The following ARHGEF17 variants were observed in gnomAD, a reference collection of about 807,000 sequenced individuals.
ARHGEF17 encodes Rho guanine nucleotide exchange factor 17.
ARHGEF17 carries 80 observed loss-of-function variants against 174.0 expected under a neutral mutation model. The observed-to-expected ratio is 0.46, with a 90% CI of 0.38 to 0.55. The LOEUF (loss-of-function observed/expected upper bound fraction) is 0.55, where lower values mean the gene tolerates loss of function less well. Among genes scored for constraint, ARHGEF17 ranks in the 20% least tolerant of loss-of-function variants. The pLI is 0.00. For synonymous variants in ARHGEF17, 1,311 were observed against 1,189.1 expected, an observed-to-expected ratio of 1.10 and a Z score of -2.11; for missense variants, 2,886 against 2,839.7, an observed-to-expected ratio of 1.02 and a Z score of -0.37.
Position 73,309,323 on chromosome 11 carries a change from G to GCCTCCTGCT in ARHGEF17, c.692_700dup (p.Cys231_Ser233dup). On this transcript the variant is annotated inframe_insertion, in exon 1 of 21. Coordinates refer to ENST00000263674, the MANE Select transcript of ARHGEF17 (RefSeq NM_014786.4). ...CTCCCAACCGCAGGCCGGGGCCCGG[G>GCCTCCTGCT]CCTCCTGCTCCTCCTCCTCCATCGC... 6 of 1,589,206 alleles carry GCCTCCTGCT rather than the reference G, an allele frequency of 3.8e-6. No homozygotes were observed. The highest frequency in any genetic ancestry group is 5.1e-6 in the Non-Finnish European group (6 of 1,176,356).
intron 1 of ARHGEF17, among the ~76,000 whole-genome samples, chr11:73,345,647 G>T (rs1431190063): frequency 6.6e-6 from 1 of 152,194 alleles, no homozygotes; most frequent in Non-Finnish European, 1.5e-5. Flanking sequence ...AGGCTGGAGG[G>T]ATGCCACAGA....
intron 1 of ARHGEF17, among the ~76,000 whole-genome samples, chr11:73,337,427 A>C (rs1431407930): frequency 6.6e-6 from 1 of 150,656 alleles, no homozygotes; most frequent in Admixed American, 6.6e-5. Flanking sequence ...AAAAAAAAGC[A>C]TGTGAGATGA....
rs370588800 is a variant in ARHGEF17 at position 73,363,098 on chromosome 11, G to C, written c.4997-108G>C. On this transcript the variant is annotated intron_variant, in intron 14 of 20. Transcript: ENST00000263674. ...GAGCAGGCCGGGGAAGAACAGCTTTGAGAGGCCTTCCGGAGGGGCATGGCC... is the reference window on the plus strand; with the variant it reads ...GAGCAGGCCGGGGAAGAACAGCTTTCAGAGGCCTTCCGGAGGGGCATGGCC... 2.6e-5 allele frequency: 36 copies of C among 1,402,384 alleles called. No individual in the cohort carries two copies. In the African/African-American group the frequency reaches 4.7e-4, roughly 18 times the overall value. The allele number at this position is 1,402,384 out of a possible 1,614,324, so 86.9% of individuals were successfully genotyped here.
At chr11:73,322,505 G>T (rs1446011231) in intron 1 of ARHGEF17, among the ~76,000 whole-genome samples, 1 of 152,208 alleles carries the variant, frequency 6.6e-6, no homozygotes, top group Non-Finnish European at 1.5e-5. Flanking sequence ...TCTCACCATT[G>T]CTCCAGCCTC....
chr11:73,329,369 A>G (rs374965169), intron 1 of ARHGEF17, among the ~76,000 whole-genome samples: 34 of 2,912 alleles, frequency 0.012, 1 homozygote, highest in African/African-American at 0.029. Context: ...ATATATATAT[A>G]TATATTTTTT....
At chr11:73,356,804 C>G (rs376335890) in intron 7 of ARHGEF17, 45 bp downstream of exon 7, 24 of 1,612,792 alleles carry the variant, frequency 1.5e-5, no homozygotes, top group South Asian at 1.1e-5. Context: ...CACCTCCTCA[C>G]TTTGTCCTCT....
intron 1 of ARHGEF17, among the ~76,000 whole-genome samples, chr11:73,318,611 C>T (rs1864966201): frequency 6.6e-6 from 1 of 152,212 alleles, no homozygotes; most frequent in Non-Finnish European, 1.5e-5. Flanking sequence ...GCCTGGGCGA[C>T]AGAGTGAGAC....
Position 73,311,194 on chromosome 11 carries a change from A to G in ARHGEF17, c.2556A>G (p.Glu852=). The change falls in exon 1 of 21, where the codon GAA becomes GAG. Residue 852 remains glutamate (E), a synonymous_variant. Transcript: ENST00000263674. ...FEGPGGEPIR[E]VEPMLPPSSS... ...GCCCTGGAGGGGAGCCCATCCGAGA[A>G]GTTGAGCCCATGCTGCCTCCATCCA... 1 of 1,597,814 alleles carries G rather than the reference A, an allele frequency of 6.3e-7. No homozygotes were observed. The highest frequency in any genetic ancestry group is 1.1e-5 in the South Asian group (1 of 89,930).
chr11:73,308,704 G>A lies in ARHGEF17; in HGVS notation c.66G>A (p.Trp22Ter). 1.3e-6 allele frequency: 2 copies of A among 1,516,692 alleles called. No homozygotes were observed. Among genetic ancestry groups the A allele is most frequent in the African/African-American group, 2.9e-5 (2 of 69,416 alleles). The allele number at this position is 1,516,692 out of a possible 1,614,324, so 94.0% of individuals were successfully genotyped here. ...TCTCGTTCAAGCTGCTGGAGCGCTG[G>A]AGCGGCGGCCCCGGGCTGAGGGAGG... ...RSVSFKLLER[W>*]SGGPGLREED... is the part of the protein sequence containing the mutation. The change falls in exon 1 of 21, where the codon TGG becomes TGA. Residue 22 changes from tryptophan to a stop codon, truncating the protein, a stop_gained. Transcript: ENST00000263674. LOFTEE classifies it high-confidence loss of function.
At chr11:73,337,253 T>C (rs1163196594) in intron 1 of ARHGEF17, among the ~76,000 whole-genome samples, 1 of 151,954 alleles carries the variant, frequency 6.6e-6, no homozygotes, top group African/African-American at 2.4e-5. Flanking sequence ...AAAAAATATT[T>C]TTAAATTAGC....
Position 73,310,774 on chromosome 11 carries a change from C to G in ARHGEF17, c.2136C>G (p.Val712=). The G allele has an allele frequency of 6.2e-7, 1 of 1,611,990 alleles. No homozygotes were observed. The highest frequency in any genetic ancestry group is 1.1e-5 in the South Asian group (1 of 91,030). The change falls in exon 1 of 21, where the codon GTC becomes GTG. Residue 712 remains valine, a synonymous_variant. Coordinates refer to ENST00000263674, the MANE Select transcript of ARHGEF17 (RefSeq NM_014786.4). ...GTGCCCTCCGCCGACGACGCAAAGT[C>G]CCACCTTCAGGTTCTGGTGGGAGCG... is the stretch of plus-strand genomic sequence containing the variant. ...TPGALRRRRK[V]PPSGSGGSEL... is the part of the protein sequence containing the mutation.
chr11:73,340,752 C>T (rs951038141), intron 1 of ARHGEF17, among the ~76,000 whole-genome samples: 4 of 152,178 alleles, frequency 2.6e-5, no homozygotes, highest in African/African-American at 9.7e-5. Context: ...GCCTTCAGAC[C>T]ACCACTCTGC....
At chr11:73,360,871 G>A (rs1452732015) in intron 11 of ARHGEF17, among the ~76,000 whole-genome samples, 4 of 152,200 alleles carry the variant, frequency 2.6e-5, no homozygotes, top group African/African-American at 9.7e-5. Context: ...TGGCTTAGAA[G>A]ATCCACAGAG....
chr11:73,331,433 C>A (rs1220446364), intron 1 of ARHGEF17, among the ~76,000 whole-genome samples: 1 of 152,154 alleles, frequency 6.6e-6, no homozygotes, highest in Non-Finnish European at 1.5e-5. Context: ...CTGGCCCCAG[C>A]GTAGCCTATA....
At chr11:73,313,379 T>C (rs572196753) in intron 1 of ARHGEF17, among the ~76,000 whole-genome samples, 2 of 152,164 alleles carry the variant, frequency 1.3e-5, no homozygotes, top group South Asian at 4.2e-4. Context: ...TCCTTTCCCA[T>C]ATATCTTTTC....
rs1296046273 is a variant in ARHGEF17, at chr11:73,310,443, T to A, written c.1805T>A (p.Ile602Asn). The A allele has an allele frequency of 6.2e-7, 1 of 1,613,922 alleles. No homozygotes were observed. The highest frequency in any genetic ancestry group is 8.5e-7 in the Non-Finnish European group (1 of 1,180,010). ...GAGGCCCGCCAGGTTTTTGAGAAGATCCAGCGCATGGGTGCCCAACAAGAT... is the reference window on the plus strand; with the variant it reads ...GAGGCCCGCCAGGTTTTTGAGAAGAACCAGCGCATGGGTGCCCAACAAGAT... ...VQEARQVFEK[I>N]QRMGAQQDDG... The change falls in exon 1 of 21, where the codon ATC becomes AAC. Residue 602 changes from isoleucine to asparagine, a missense_variant. Transcript: ENST00000263674.
At chr11:73,311,860 G>A (rs1017697075) in intron 1 of ARHGEF17, 30 bp downstream of exon 1, 2 of 1,563,542 alleles carry the variant, frequency 1.3e-6, no homozygotes, top group African/African-American at 2.7e-5. Context: ...CTTCAGATTG[G>A]GGCCAAAGAA....
chr11:73,346,793 TG>T, intron 1 of ARHGEF17, 89 bp from the exon 2 acceptor site: 1 of 1,044,692 alleles, frequency 9.6e-7, no homozygotes, highest in Non-Finnish European at 1.3e-6. Context: ...GGAGAGGGTG[TG>T]GGCGGGTTCT....
In ARHGEF17 at chr11:73,309,354, C is replaced by G; in HGVS notation, c.716C>G (p.Ser239Cys). ...ASCSSSSIAA[S>C]YPVSRSRAAS... ...TGCTCCTCCTCCTCCATCGCCGCCT[C>G]CTATCCTGTCAGCCGCAGTCGTGCT... Residue 239 changes from serine to cysteine, a missense_variant, in exon 1 of 21, where the codon TCC (serine) becomes TGC (cysteine). Physicochemically the swap from Ser to Cys is moderately radical, Grantham distance 112. Around this residue, in one of 4 missense-constraint regions of ARHGEF17, gnomAD observed 1,728 missense variants for 1,461.2 expected, o/e 1.18. Transcript: ENST00000263674. 3 of 1,606,228 alleles carry G rather than the reference C, an allele frequency of 1.9e-6. No homozygotes were observed. The highest frequency in any genetic ancestry group is 2.5e-6 in the Non-Finnish European group (3 of 1,177,150).
Sources: allele counts gnomAD v4.1 joint callset (sites outside exome capture counted in the v4.1 genomes callset), GRCh38; gene constraint gnomAD v4.1.1; regional missense constraint gnomAD v4.1.1; transcripts MANE v1.5; gene names NCBI Gene and HGNC (gene_info 2026-07-23, HGNC 2026-07-21).